Variants in TBL1X observed in about 807,000 individuals in gnomAD.
TBL1X encodes the protein F-box-like/WD repeat-containing protein TBL1X.
In TBL1X, 10 loss-of-function variants were observed where a neutral mutation model predicts 50.7. That is an observed-to-expected ratio of 0.20 (90% confidence interval 0.12 to 0.33). The LOEUF is 0.33. Ranked by LOEUF, TBL1X falls within the 10% of genes least tolerant of loss-of-function variation. The probability of loss-of-function intolerance (pLI) is 1.00; values close to 1 mark genes in which losing one functional copy is unlikely to be tolerated. For missense variants in TBL1X, 340 were observed against 504.4 expected (o/e 0.67, Z 3.12); for synonymous variants, 190 against 214.7 (o/e 0.88, Z 1.01).
At chrX:9,506,402 G>A (rs1212152185) in intron 2 of TBL1X, among the ~76,000 whole-genome samples, 4 of 111,442 alleles carry the variant, frequency 3.6e-5, no homozygotes, top group Admixed American at 9.6e-5. Flanking sequence ...AGAGAGGCAA[G>A]AGCAAACTAA....
chrX:9,688,971 C>T (rs925642924), intron 7 of TBL1X, among the ~76,000 whole-genome samples: 1 of 113,486 alleles, frequency 8.8e-6, no homozygotes, highest in Non-Finnish European at 1.9e-5. Context: ...TGTGTATGTG[C>T]CTGTGTCTGT....
intron 2 of TBL1X, among the ~76,000 whole-genome samples, chrX:9,590,350 T>C (rs1455810489): frequency 1.0e-5 from 1 of 98,914 alleles, no homozygotes; most frequent in Non-Finnish European, 2.0e-5. Context: ...AAAAATTATT[T>C]CAAGATTAAA....
chrX:9,634,464 A>G (rs1270833068), intron 2 of TBL1X, among the ~76,000 whole-genome samples: 2 of 111,604 alleles, frequency 1.8e-5, no homozygotes, highest in African/African-American at 6.5e-5. Flanking sequence ...TCCAAGCTCA[A>G]AGCTCTCAGA....
intron 2 of TBL1X, among the ~76,000 whole-genome samples, chrX:9,574,295 C>T (rs762575604): frequency 9.3e-6 from 1 of 107,665 alleles, no homozygotes; most frequent in South Asian, 4.3e-4. Context: ...AAACCAAAAA[C>T]AAAACCAAAC....
Position 9,691,727 on chromosome X carries a change from TG to T in TBL1X, c.749+22del. On this transcript the variant is annotated intron_variant, in intron 8 of 17. Coordinates refer to ENST00000645353, the MANE Select transcript of TBL1X (RefSeq NM_005647.4). ...TAGCCTCCGGGTAAGGATGTCAGGG[TG>T]GGGGGCGCTCCAGAGTTGGGGAGAT... 3 of 1,207,535 alleles carry T rather than the reference TG, an allele frequency of 2.5e-6. No homozygotes were observed. The highest frequency in any genetic ancestry group is 5.9e-5 in the East Asian group (2 of 33,686).
At chrX:9,715,928 G>A (rs1018042254) in intron 17 of TBL1X, among the ~76,000 whole-genome samples, 7 of 112,134 alleles carry the variant, frequency 6.2e-5, no homozygotes, top group Admixed American at 3.8e-4. Flanking sequence ...TCTGCCCCAC[G>A]ATTGCAGGTG....
At chrX:9,647,259 A>T (rs771070617) in intron 3 of TBL1X, among the ~76,000 whole-genome samples, 1 of 111,964 alleles carries the variant, frequency 8.9e-6, no homozygotes, top group South Asian at 3.7e-4. Flanking sequence ...TCTAAACCCC[A>T]AATTATCACT....
intron 12 of TBL1X, among the ~76,000 whole-genome samples, chrX:9,701,493 C>T (rs1483406614): frequency 2.0e-5 from 2 of 100,241 alleles, no homozygotes; most frequent in Admixed American, 2.3e-4. Context: ...CTTTTGGTTT[C>T]CCTGGGCCAC....
At chrX:9,467,747 C>T (rs2081785775) in intron 1 of TBL1X, among the ~76,000 whole-genome samples, 1 of 111,268 alleles carries the variant, frequency 9.0e-6, no homozygotes, top group African/African-American at 3.3e-5. Flanking sequence ...CTGTGGGGCT[C>T]GACCACATGG....
chrX:9,579,345 C>T (rs1317394538), intron 2 of TBL1X, among the ~76,000 whole-genome samples: 5 of 111,880 alleles, frequency 4.5e-5, no homozygotes, highest in African/African-American at 9.8e-5. Context: ...TTTAGGTCAC[C>T]CAACAGTAGG....
chrX:9,691,504 G>A, intron 7 of TBL1X, 75 bp from the exon 8 acceptor site: 1 of 1,057,224 alleles, frequency 9.5e-7, no homozygotes, highest in Non-Finnish European at 1.3e-6. Flanking sequence ...AAATGTTTCT[G>A]GAAACAAAAG....
At chrX:9,628,126 C>G (rs761104563) in intron 2 of TBL1X, among the ~76,000 whole-genome samples, 4 of 112,625 alleles carry the variant, frequency 3.6e-5, no homozygotes, top group Non-Finnish European at 7.5e-5. Flanking sequence ...AGAGCAGAGG[C>G]TGCCTGTGCA....
chrX:9,491,423 C>T (rs1397630122), intron 1 of TBL1X, among the ~76,000 whole-genome samples: 4 of 100,146 alleles, frequency 4.0e-5, no homozygotes, highest in Admixed American at 1.1e-4. Context: ...TCACTGCAGC[C>T]TCGACCTCCC....
At position 9,578,748 on chromosome X, in the gene TBL1X, G is replaced by C. The variant is rs539060078; in HGVS notation, c.-130-61525G>C. 5.4e-4 allele frequency among the ~76,000 whole-genome samples: 60 copies of C among 111,680 alleles called. 1 individual carries two copies. The South Asian group carries it at 0.023, about 42-fold the overall frequency. On this transcript the variant is annotated intron_variant, in intron 2 of 17. Coordinates refer to ENST00000645353, the MANE Select transcript of TBL1X (RefSeq NM_005647.4). ...ATTGCGGCAGCATTTATCATCCTAAGGAAGCCCGCACAGCTTGCCAAACAG... is the reference window on the plus strand; with the variant it reads ...ATTGCGGCAGCATTTATCATCCTAACGAAGCCCGCACAGCTTGCCAAACAG...
At chrX:9,563,048 G>A (rs2082331842) in intron 2 of TBL1X, among the ~76,000 whole-genome samples, 1 of 112,487 alleles carries the variant, frequency 8.9e-6, no homozygotes, top group South Asian at 3.6e-4. Context: ...CAAGGAGAAT[G>A]CCCTGGCTGC....
chrX:9,475,621 A>G (rs1014166928), intron 1 of TBL1X, among the ~76,000 whole-genome samples: 1 of 109,422 alleles, frequency 9.1e-6, no homozygotes, highest in African/African-American at 3.3e-5. Flanking sequence ...TAAAAATTAT[A>G]TTCACAACTC....
intron 2 of TBL1X, among the ~76,000 whole-genome samples, chrX:9,542,391 G>A (rs1349629779): frequency 9.0e-6 from 1 of 111,612 alleles, no homozygotes; most frequent in Non-Finnish European, 1.9e-5. Flanking sequence ...CGGCAACACA[G>A]CTGTCTTGGA....
intron 2 of TBL1X, among the ~76,000 whole-genome samples, chrX:9,513,491 C>T (rs1347675127): frequency 1.8e-5 from 2 of 111,700 alleles, no homozygotes; most frequent in East Asian, 5.7e-4. Flanking sequence ...TCACTGAATT[C>T]GTCCACTTGG....
At chrX:9,679,225 A>T (rs1022265647) in intron 5 of TBL1X, among the ~76,000 whole-genome samples, 2 of 108,893 alleles carry the variant, frequency 1.8e-5, no homozygotes, top group African/African-American at 6.7e-5. Context: ...TTCCCCAACC[A>T]TGGTGGGGTT....
Sources: gnomAD v4.1 joint callset for allele counts (sites outside exome capture counted in the v4.1 genomes callset) on GRCh38, gnomAD v4.1.1 for gene constraint, MANE v1.5 for transcripts, NCBI Gene and HGNC (gene_info 2026-07-23, HGNC 2026-07-21) for gene names.